CFB: variants seen among roughly 807,000 people sequenced by gnomAD.
CFB encodes the protein B-factor, properdin.
A neutral mutation model predicts 97.2 loss-of-function variants in CFB; 59 were observed. The observed-to-expected ratio is 0.61, with a 90% confidence interval of 0.49 to 0.75. The LOEUF is 0.75. Among genes scored for constraint, CFB ranks in the 30% least tolerant of loss-of-function variants. The probability of loss-of-function intolerance (pLI) is 0.00; values close to 1 mark genes in which losing one functional copy is unlikely to be tolerated. For synonymous variants in CFB, 316 were observed against 351.7 expected (o/e 0.90, Z 1.14); for missense variants, 771 against 959.8 (o/e 0.80, Z 2.60).
chr6:31,946,449 C>T lies in CFB; in HGVS notation c.141C>T (p.Gly47=). The T allele has an allele frequency of 6.2e-7, 1 of 1,613,090 alleles. No individual in the cohort carries two copies. Among genetic ancestry groups the T allele is most frequent in the Non-Finnish European group, 8.5e-7 (1 of 1,180,032 alleles). The change falls in exon 2 of 18, where the codon GGC becomes GGT. Residue 47 remains glycine, a synonymous_variant. Transcript: ENST00000425368. The surrounding 1 kb of genome is among the most constrained non-coding windows in gnomAD (Gnocchi z 6.4). ...TGGAGGGGGTAGAGATCAAAGGCGG[C>T]TCCTTCCGACTTCTCCAAGAGGGCC... ...CSLEGVEIKG[G]SFRLLQEGQA... is the part of the protein sequence containing the mutation.
chr6:31,947,780 G>A lies in CFB; in HGVS notation c.697G>A (p.Ala233Thr). The A allele has an allele frequency of 6.2e-7, 1 of 1,613,344 alleles. No homozygotes were observed. The highest frequency in any genetic ancestry group is 8.5e-7 in the Non-Finnish European group (1 of 1,180,046). ...CGACACCCCTCAAGAGGTGGCCGAA[G>A]CTTTCCTGTCTTCCCTGACAGAGAC... ...MYDTPQEVAE[A>T]FLSSLTETIE... The change falls in exon 5 of 18, where the codon GCT (alanine) becomes ACT (threonine). Residue 233 changes from alanine (A) to threonine (T), a missense_variant. Ala to Thr is a moderately conservative substitution (Grantham distance 58, BLOSUM62 0). Transcript: ENST00000425368. This position sits in a 1 kb window ranked among gnomAD's most constrained non-coding sequence, Gnocchi z 5.3.
chr6:31,947,057 C>T lies in CFB; in HGVS notation c.349C>T (p.Arg117Trp), dbSNP rs753544438. Residue 117 changes from arginine (R) to tryptophan (W), a missense_variant, in exon 3 of 18, where the codon CGG (arginine) becomes TGG (tryptophan). Physicochemically the swap from Arg to Trp is moderately radical, Grantham distance 101. Transcript: ENST00000425368. The surrounding 1 kb of genome is among the most constrained non-coding windows in gnomAD (Gnocchi z 5.3). Reference protein sequence around the residue: ...HDFENGEYWPRSPYYNVSDEI... With the variant: ...HDFENGEYWPWSPYYNVSDEI... ...CTTCGAGAACGGGGAATACTGGCCC[C>T]GGTCTCCCTACTACAATGTGAGTGA... 11 of 1,612,862 alleles carry T rather than the reference C, an allele frequency of 6.8e-6. No homozygotes were observed. The highest frequency in any genetic ancestry group is 6.6e-5 in the South Asian group (6 of 91,088).
rs1008672778 is a variant in CFB at position 31,951,803 on chromosome 6, A to C, written c.2140-72A>C. On this transcript the variant is annotated intron_variant, in intron 17 of 17. Transcript: ENST00000425368. The surrounding 1 kb of genome is among the most constrained non-coding windows in gnomAD (Gnocchi z 4.3). Reference sequence around the variant, plus strand: ...GATTCCTTTAGGTCAGCTAAGACACAAGCAGGAACAGCCATGCTTCCAGGA... The same window carrying C: ...GATTCCTTTAGGTCAGCTAAGACACCAGCAGGAACAGCCATGCTTCCAGGA... 6.2e-7 allele frequency: 1 copy of C among 1,609,604 alleles called. No individual in the cohort carries two copies. Among genetic ancestry groups the C allele is most frequent in the Non-Finnish European group, 8.5e-7 (1 of 1,177,114 alleles).
intron 10 of CFB, 151 bp downstream of exon 10, chr6:31,949,708 A>T: frequency 1.0e-6 from 1 of 967,370 alleles, no homozygotes; most frequent in South Asian, 1.4e-5. Context: ...GTTTCCTGGC[A>T]CTGTTCACTT....
intron 8 of CFB, 25 bp from the exon 9 acceptor site, chr6:31,949,218 C>A (rs756368402): frequency 3.7e-5 from 60 of 1,611,024 alleles, no homozygotes; most frequent in Non-Finnish European, 4.9e-5. Context: ...TATCTCCTAC[C>A]CTCATGGTCC....
In CFB at chr6:31,949,289, C is replaced by T. The variant is rs1210526726; in HGVS notation, c.1215C>T (p.Ile405=). ...GGDPITVIDE[I]RDLLYIGKDR... is the part of the protein sequence containing the mutation. ...ACCCAATTACTGTCATTGATGAGAT[C>T]CGGGACTTGCTATACATTGGCAAGG... Residue 405 remains isoleucine, a synonymous_variant, in exon 9 of 18, where the codon ATC becomes ATT. Transcript: ENST00000425368. The T allele has an allele frequency of 6.2e-7, 1 of 1,614,162 alleles. No individual in the cohort carries two copies. The highest frequency in any genetic ancestry group is 1.1e-5 in the South Asian group (1 of 91,080).
rs757199192 is a variant in CFB at position 31,947,475 on chromosome 6, G to A, written c.612G>A (p.Thr204=). ...GLTLRGSQRR[T]CQEGGSWSGT... ...CCCTGCGTGGCTCCCAGCGGCGAAC[G>A]TGTCAGGAAGGTGGCTCTTGGAGCG... Residue 204 remains threonine, a synonymous_variant, in exon 4 of 18, where the codon ACG becomes ACA. Transcript: ENST00000425368. The surrounding 1 kb of genome is among the most constrained non-coding windows in gnomAD (Gnocchi z 5.3). 1.9e-6 allele frequency: 3 copies of A among 1,613,006 alleles called. No homozygotes were observed. Among genetic ancestry groups the A allele is most frequent in the East Asian group, 2.2e-5 (1 of 44,880 alleles).
rs1194399636 is a variant in CFB, at chr6:31,947,264, T to C, written c.484+72T>C. On this transcript the variant is annotated intron_variant, in intron 3 of 17. Coordinates refer to ENST00000425368, the MANE Select transcript of CFB (RefSeq NM_001710.6). This position sits in a 1 kb window ranked among gnomAD's most constrained non-coding sequence, Gnocchi z 5.3. ...CCAGCCCGAGGAGTGGGCACTCGGC[T>C]CCGGACACTGTAACTCTTGCTCTCT... 1.5e-5 allele frequency: 24 copies of C among 1,610,884 alleles called. No homozygotes were observed. The highest frequency in any genetic ancestry group is 2.0e-5 in the Non-Finnish European group (24 of 1,179,400).
At position 31,946,638 on chromosome 6, in the gene CFB, A is replaced by G; in HGVS notation, c.298+32A>G. 1 of 1,586,914 alleles carries G rather than the reference A, an allele frequency of 6.3e-7. No homozygotes were observed. Among genetic ancestry groups the G allele is most frequent in the Non-Finnish European group, 8.6e-7 (1 of 1,167,538 alleles). ...GGGCAATGAGTGTGGGCAGTGGCCT[A>G]AGGCAGAAACAGGGCAGGCGGCAGC... On this transcript the variant is annotated intron_variant, in intron 2 of 17. Coordinates refer to ENST00000425368, the MANE Select transcript of CFB (RefSeq NM_001710.6). This position sits in a 1 kb window ranked among gnomAD's most constrained non-coding sequence, Gnocchi z 6.4.
Position 31,948,388 on chromosome 6 carries a change from T to C in CFB, c.912T>C (p.Gly304=), listed in dbSNP as rs201721955. The C allele has an allele frequency of 1.2e-6, 2 of 1,614,208 alleles. No individual in the cohort carries two copies. Among genetic ancestry groups the C allele is most frequent in the African/African-American group, 1.3e-5 (1 of 75,048 alleles). The change falls in exon 7 of 18, where the codon GGT becomes GGC. Residue 304 remains glycine, a synonymous_variant. Transcript: ENST00000425368. ...CTCACCCACAGGTGGCAAGTTATGGTGTGAAGCCAAGATATGGTCTAGTGA... is the reference window on the plus strand; with the variant it reads ...CTCACCCACAGGTGGCAAGTTATGGCGTGAAGCCAAGATATGGTCTAGTGA... ...VNLIEKVASY[G]VKPRYGLVTY...
In CFB at chr6:31,947,369, G is replaced by C; in HGVS notation, c.506G>C (p.Gly169Ala). The C allele has an allele frequency of 6.2e-7, 1 of 1,613,006 alleles. No homozygotes were observed. The highest frequency in any genetic ancestry group is 8.5e-7 in the Non-Finnish European group (1 of 1,179,998). ...DNGAGYCSNP[G>A]IPIGTRKVGS... ...GCAGCGGGGTACTGCTCCAACCCGG[G>C]CATCCCCATTGGCACAAGGAAGGTG... Residue 169 changes from glycine to alanine, a missense_variant, in exon 4 of 18, where the codon GGC becomes GCC. Transcript: ENST00000425368. This position sits in a 1 kb window ranked among gnomAD's most constrained non-coding sequence, Gnocchi z 5.3.
At position 31,947,501 on chromosome 6, in the gene CFB, G is replaced by C; in HGVS notation, c.638G>C (p.Gly213Ala). The C allele has an allele frequency of 6.2e-7, 1 of 1,612,940 alleles. No homozygotes were observed. The highest frequency in any genetic ancestry group is 1.1e-5 in the South Asian group (1 of 91,078). ...RTCQEGGSWS[G>A]TEPSCQDSFM... ...TGTCAGGAAGGTGGCTCTTGGAGCG[G>C]GACGGAGCCTTCCTGCCAAGGTGAC... Residue 213 changes from glycine to alanine, a missense_variant, in exon 4 of 18, where the codon GGG becomes GCG. Transcript: ENST00000425368. The surrounding 1 kb of genome is among the most constrained non-coding windows in gnomAD (Gnocchi z 5.3).
In CFB at chr6:31,947,451, C is replaced by G; in HGVS notation, c.588C>G (p.Thr196=). ...CCTACCACTGCAGCCGGGGGCTTACCCTGCGTGGCTCCCAGCGGCGAACGT... is the reference window on the plus strand; with the variant it reads ...CCTACCACTGCAGCCGGGGGCTTACGCTGCGTGGCTCCCAGCGGCGAACGT... The part of the protein sequence containing the change: ...SVTYHCSRGL[T]LRGSQRRTCQ... The change falls in exon 4 of 18, where the codon ACC becomes ACG. Residue 196 remains threonine (T), a synonymous_variant. Coordinates refer to ENST00000425368, the MANE Select transcript of CFB (RefSeq NM_001710.6). The surrounding 1 kb of genome is among the most constrained non-coding windows in gnomAD (Gnocchi z 5.3). 6.2e-7 allele frequency: 1 copy of G among 1,612,954 alleles called. No individual in the cohort carries two copies. Among genetic ancestry groups the G allele is most frequent in the East Asian group, 2.2e-5 (1 of 44,868 alleles).
chr6:31,946,448 G>A lies in CFB; in HGVS notation c.140G>A (p.Gly47Asp). The A allele has an allele frequency of 1.2e-6, 2 of 1,613,050 alleles. No homozygotes were observed. The change falls in exon 2 of 18, where the codon GGC becomes GAC. Residue 47 changes from glycine (G) to aspartate (D), a missense_variant. By Grantham distance (94) the Gly-to-Asp change is moderately conservative (BLOSUM62 -1). Transcript: ENST00000425368. This position sits in a 1 kb window ranked among gnomAD's most constrained non-coding sequence, Gnocchi z 6.4. ...CSLEGVEIKG[G>D]SFRLLQEGQA... is the part of the protein sequence containing the mutation. ...CTGGAGGGGGTAGAGATCAAAGGCG[G>A]CTCCTTCCGACTTCTCCAAGAGGGC...
rs763683688 is a variant in CFB, at chr6:31,951,736, C to T, written c.2139+132C>T. 1 of 1,558,870 alleles carries T rather than the reference C, an allele frequency of 6.4e-7. No individual in the cohort carries two copies. Among genetic ancestry groups the T allele is most frequent in the South Asian group, 1.1e-5 (1 of 89,962 alleles). On this transcript the variant is annotated intron_variant, in intron 17 of 17. Transcript: ENST00000425368. The surrounding 1 kb of genome is among the most constrained non-coding windows in gnomAD (Gnocchi z 4.3). Reference sequence around the variant, plus strand: ...CCTCACCTTAGGACCGCATGTCTTGCCTGCGTGTGTCAAGAACGAGGCTGA... The same window carrying T: ...CCTCACCTTAGGACCGCATGTCTTGTCTGCGTGTGTCAAGAACGAGGCTGA...
In CFB at chr6:31,947,456, G is replaced by C; in HGVS notation, c.593G>C (p.Arg198Pro). The C allele has an allele frequency of 2.5e-6, 4 of 1,612,988 alleles. No homozygotes were observed. The highest frequency in any genetic ancestry group is 3.4e-6 in the Non-Finnish European group (4 of 1,180,020). Residue 198 changes from arginine (R) to proline (P), a missense_variant, in exon 4 of 18, where the codon CGT becomes CCT. Coordinates refer to ENST00000425368, the MANE Select transcript of CFB (RefSeq NM_001710.6). The surrounding 1 kb of genome is among the most constrained non-coding windows in gnomAD (Gnocchi z 5.3). ...TYHCSRGLTL[R>P]GSQRRTCQEG... ...CACTGCAGCCGGGGGCTTACCCTGC[G>C]TGGCTCCCAGCGGCGAACGTGTCAG...
In CFB at chr6:31,950,710, TTATGAC is replaced by T; in HGVS notation, c.1723_1728del (p.Tyr575_Asp576del). On this transcript the variant is annotated inframe_deletion, in exon 13 of 18. Coordinates refer to ENST00000425368, the MANE Select transcript of CFB (RefSeq NM_001710.6). The stretch of plus-strand genomic sequence containing the variant: ...AAAAAGAAGCAGGAATTCCTGAATT[TTATGAC>T]TATGACGTTGCCCTGATCAAGCTCA... The T allele has an allele frequency of 1.2e-6, 2 of 1,613,056 alleles. No homozygotes were observed. The highest frequency in any genetic ancestry group is 1.7e-6 in the Non-Finnish European group (2 of 1,180,028).
intron 8 of CFB, 121 bp from the exon 9 acceptor site, chr6:31,949,122 A>G (rs899893723): frequency 7.0e-6 from 10 of 1,423,384 alleles, no homozygotes; most frequent in Non-Finnish European, 8.8e-6. Flanking sequence ...AATTCTTCCT[A>G]AGCCCTGTGA....
Position 31,951,263 on chromosome 6 carries a change from A to C in CFB, c.1956+19A>C. 1 of 1,613,200 alleles carries C rather than the reference A, an allele frequency of 6.2e-7. No homozygotes were observed. ...GGATAAGGTGAGAAACGGGCATCCT[A>C]AGGAGGCACTCTAGGCCCCAATCCT... is the stretch of plus-strand genomic sequence containing the variant. On this transcript the variant is annotated intron_variant, in intron 15 of 17. Transcript: ENST00000425368. This position sits in a 1 kb window ranked among gnomAD's most constrained non-coding sequence, Gnocchi z 4.3.
Sources: gnomAD v4.1 joint callset for allele counts on GRCh38, gnomAD v4.1.1 for gene constraint, Gnocchi (gnomAD v3.1) non-coding constraint, MANE v1.5 for transcripts, NCBI Gene and HGNC (gene_info 2026-07-23, HGNC 2026-07-21) for gene names.